SND1: variants seen among roughly 807,000 people sequenced by gnomAD.
SND1 encodes the protein staphylococcal nuclease and tudor domain containing 1.
In SND1, 38 loss-of-function variants were observed where a neutral mutation model predicts 121.7. That is an observed-to-expected ratio of 0.31 (90% CI 0.24 to 0.41). The LOEUF (loss-of-function observed/expected upper bound fraction) is 0.41. SND1 is among the 10% of genes least tolerant of loss of function. SND1 has a pLI of 1.00. For missense variants in SND1, 868 were observed against 1,184.6 expected, an observed-to-expected ratio of 0.73 and a Z score of 3.92; for synonymous variants, 401 against 447.4, an observed-to-expected ratio of 0.90 and a Z score of 1.31.
At position 127,749,212 on chromosome 7, in the gene SND1, A is replaced by G. The variant is rs1000073989; in HGVS notation, c.1152+27812A>G. On this transcript the variant is annotated intron_variant, in intron 10 of 23. Coordinates refer to ENST00000354725, the MANE Select transcript of SND1 (RefSeq NM_014390.4). ...CCAAGCCCAGCAATTTTTTGTAGAG[A>G]TGGGGTCTCACCATGTTGCCCAGGC... Among the ~76,000 whole-genome samples, 68 of 151,954 alleles carry G rather than the reference A, an allele frequency of 4.5e-4. 2 individuals are homozygous for G. The highest frequency in any genetic ancestry group is 1.3e-4 in the Admixed American group (2 of 15,250).
At chr7:128,080,304 G>A (rs935430053) in intron 17 of SND1, among the ~76,000 whole-genome samples, 7 of 152,248 alleles carry the variant, frequency 4.6e-5, no homozygotes, top group Non-Finnish European at 8.8e-5. Flanking sequence ...CTGGCTGCAG[G>A]ATTGGACTTG....
intron 18 of SND1, among the ~76,000 whole-genome samples, chr7:128,083,449 G>A (rs1407537372): frequency 6.6e-6 from 1 of 152,244 alleles, no homozygotes; most frequent in Non-Finnish European, 1.5e-5. Flanking sequence ...TCAGGCCTCT[G>A]TCGTGTGGAT....
intron 3 of SND1, among the ~76,000 whole-genome samples, chr7:127,698,660 GAGA>G (rs1168113343): frequency 2.0e-5 from 3 of 152,180 alleles, no homozygotes; most frequent in Admixed American, 1.3e-4. Flanking sequence ...ACAAAGTCCT[GAGA>G]AGAAGATTGA....
intron 10 of SND1, among the ~76,000 whole-genome samples, chr7:127,722,084 G>T (rs961114897): frequency 6.6e-6 from 1 of 152,136 alleles, no homozygotes; most frequent in African/African-American, 2.4e-5. Flanking sequence ...TGGGAATAGG[G>T]ATTAAGGTTG....
intron 22 of SND1, chr7:128,089,973 A>G: frequency 2.3e-6 from 1 of 441,706 alleles, no homozygotes; most frequent in South Asian, 2.2e-5. Context: ...AAGCTTTGCC[A>G]GGGGCTATGT....
intron 16 of SND1, among the ~76,000 whole-genome samples, chr7:128,002,431 AC>A (rs1584730257): frequency 1.3e-5 from 2 of 152,216 alleles, no homozygotes; most frequent in African/African-American, 4.8e-5. Flanking sequence ...AGGCAGTATT[AC>A]ATTCAGTGGA....
chr7:127,708,015 A>C (rs1249500656), intron 9 of SND1, among the ~76,000 whole-genome samples: 5 of 152,120 alleles, frequency 3.3e-5, no homozygotes, highest in African/African-American at 1.2e-4. Flanking sequence ...TTGACTTTAC[A>C]GTGGTGTGAA....
intron 13 of SND1, among the ~76,000 whole-genome samples, chr7:127,902,209 G>A (rs1260836896): frequency 6.6e-6 from 1 of 152,152 alleles, no homozygotes; most frequent in African/African-American, 2.4e-5. Context: ...CCAGCCCCAG[G>A]AAAGGCCACA....
intron 14 of SND1, among the ~76,000 whole-genome samples, chr7:127,909,207 A>G (rs1360899472): frequency 6.6e-6 from 1 of 152,170 alleles, no homozygotes; most frequent in Non-Finnish European, 1.5e-5. Flanking sequence ...CAGAATAGGG[A>G]TTGTCTTCTT....
intron 16 of SND1, among the ~76,000 whole-genome samples, chr7:128,066,929 C>G (rs1232430594): frequency 6.6e-6 from 1 of 152,190 alleles, no homozygotes; most frequent in Non-Finnish European, 1.5e-5. Flanking sequence ...TGGGAAGAGG[C>G]AGGAGTACCT....
At chr7:128,044,174 T>C (rs1017837511) in intron 16 of SND1, among the ~76,000 whole-genome samples, 2 of 152,218 alleles carry the variant, frequency 1.3e-5, no homozygotes, top group Non-Finnish European at 2.9e-5. Flanking sequence ...GAGAGTTTTC[T>C]CCAGACCCAC....
chr7:127,745,063 G>GT (rs1356730403), intron 10 of SND1, among the ~76,000 whole-genome samples: 1 of 152,096 alleles, frequency 6.6e-6, no homozygotes, highest in East Asian at 1.9e-4. Context: ...AACATCCTTG[G>GT]TAAGTAGAAA....
At chr7:128,087,717 G>T (rs1372132047) in intron 21 of SND1, among the ~76,000 whole-genome samples, 1 of 152,202 alleles carries the variant, frequency 6.6e-6, no homozygotes, top group East Asian at 1.9e-4. Flanking sequence ...AAACCATGCG[G>T]TGTACAAGAT....
At chr7:128,028,427 G>A (rs1803541196) in intron 16 of SND1, 3 of 385,530 alleles carry the variant, frequency 7.8e-6, no homozygotes, top group Non-Finnish European at 1.4e-5. Context: ...AGCATAGCAA[G>A]TTAACTTGTG....
At chr7:127,726,527 G>C (rs1796585871) in intron 10 of SND1, among the ~76,000 whole-genome samples, 1 of 152,222 alleles carries the variant, frequency 6.6e-6, no homozygotes, top group South Asian at 2.1e-4. Flanking sequence ...TTGGAGAAAG[G>C]CTGTGGGTTT....
intron 16 of SND1, among the ~76,000 whole-genome samples, chr7:128,047,973 G>A (rs528141625): frequency 1.4e-4 from 22 of 151,758 alleles, no homozygotes; most frequent in East Asian, 3.9e-4. Context: ...TCAGCCTCCC[G>A]AGTAGCTGGG....
chr7:127,988,773 C>G (rs2116913351), intron 15 of SND1, among the ~76,000 whole-genome samples: 1 of 152,176 alleles, frequency 6.6e-6, no homozygotes, highest in East Asian at 1.9e-4. Context: ...AGTACCCTAG[C>G]TACATCCCAG....
intron 15 of SND1, among the ~76,000 whole-genome samples, chr7:127,975,921 T>C (rs1042807681): frequency 3.3e-5 from 5 of 152,202 alleles, no homozygotes; most frequent in East Asian, 1.9e-4. Flanking sequence ...TCTTCCCAAA[T>C]ACCAGTTTCT....
At chr7:127,739,365 A>T (rs1005191240) in intron 10 of SND1, among the ~76,000 whole-genome samples, 1 of 152,180 alleles carries the variant, frequency 6.6e-6, no homozygotes, top group African/African-American at 2.4e-5. Context: ...TGAAATATTT[A>T]TGTGAACCCA....
Sources: allele counts gnomAD v4.1 joint callset (sites outside exome capture counted in the v4.1 genomes callset), GRCh38; gene constraint gnomAD v4.1.1; transcripts MANE v1.5; gene names NCBI Gene and HGNC (gene_info 2026-07-23, HGNC 2026-07-21).